MOSMO: variants seen among roughly 807,000 people sequenced by gnomAD.
MOSMO encodes the protein modulator of smoothened protein.
MOSMO carries 5 observed loss-of-function variants against 18.4 expected under a neutral mutation model. The ratio of observed to expected loss-of-function variants is 0.27; its 90% CI spans 0.14 to 0.57. The LOEUF (loss-of-function observed/expected upper bound fraction) is 0.57, where lower values mean the gene tolerates loss of function less well. Ranked by LOEUF, MOSMO falls within the 20% of genes least tolerant of loss-of-function variation. MOSMO has a pLI of 0.92. For missense variants in MOSMO, 138 were observed against 211.8 expected (o/e 0.65, Z 2.16); for synonymous variants, 82 against 82.3 (o/e 1.00, Z 0.02).
chr16:22,018,241 A>T (rs1443794574), intron 1 of MOSMO, among the ~76,000 whole-genome samples: 1 of 152,206 alleles, frequency 6.6e-6, no homozygotes, highest in East Asian at 1.9e-4. Context: ...GTAGAAAAAA[A>T]TGCAGTTGGG....
intron 1 of MOSMO, among the ~76,000 whole-genome samples, chr16:22,031,362 CAG>C (rs1899990064): frequency 6.6e-6 from 1 of 152,160 alleles, no homozygotes. Flanking sequence ...CTTTTTAAAA[CAG>C]ATTTATTGAG....
chr16:22,008,537 G>C (rs1386001238), intron 1 of MOSMO, 130 bp downstream of exon 1: 1 of 595,912 alleles, frequency 1.7e-6, no homozygotes, highest in South Asian at 2.1e-5. Context: ...ACCGGGGGCG[G>C]AGGGGAGACC....
At chr16:22,023,997 T>TTATATATATATATA (rs72336979) in intron 1 of MOSMO, among the ~76,000 whole-genome samples, 3,869 of 126,230 alleles carry the variant, frequency 0.031, 170 homozygotes, top group South Asian at 0.071. Flanking sequence ...TTTGTACAAA[T>TTATATATATATATA]TATATATATA....
chr16:22,030,927 A>G (rs181326326), intron 1 of MOSMO, among the ~76,000 whole-genome samples: 4 of 152,312 alleles, frequency 2.6e-5, no homozygotes, highest in East Asian at 3.9e-4. Context: ...TTTGAAAAGT[A>G]TGTTTTACCT....
intron 1 of MOSMO, among the ~76,000 whole-genome samples, chr16:22,061,010 G>A (rs750372610): frequency 6.6e-6 from 1 of 152,124 alleles, no homozygotes; most frequent in African/African-American, 2.4e-5. Context: ...ATGAAAACGG[G>A]TCTTTACAAA....
At position 22,075,520 on chromosome 16, in the gene MOSMO, A is replaced by C; in HGVS notation, c.140A>C (p.Gln47Pro). ...ALTVGLVRQCQTIHGRDRTCI... is the reference protein window; with the variant it reads ...ALTVGLVRQCPTIHGRDRTCI... ...ACTGTGGGCCTCGTGCGACAGTGTCAAACAATCCATGGACGAGACCGGACG... is the reference window on the plus strand; with the variant it reads ...ACTGTGGGCCTCGTGCGACAGTGTCCAACAATCCATGGACGAGACCGGACG... Residue 47 changes from glutamine (Q) to proline (P), a missense_variant, in exon 2 of 3, where the codon CAA (glutamine) becomes CCA (proline). By Grantham distance (76) the Gln-to-Pro change is moderately conservative. Transcript: ENST00000542527. 6.5e-7 allele frequency: 1 copy of C among 1,537,324 alleles called. No homozygotes were observed. Among genetic ancestry groups the C allele is most frequent in the African/African-American group, 1.4e-5 (1 of 73,176 alleles).
chr16:22,015,915 GA>G (rs923275233), intron 1 of MOSMO, among the ~76,000 whole-genome samples: 13 of 151,994 alleles, frequency 8.6e-5, no homozygotes, highest in African/African-American at 1.2e-4. Flanking sequence ...AAATTCAGAA[GA>G]AAAAAAATTA....
In MOSMO at chr16:22,024,434, G is replaced by A. The variant is rs769201389; in HGVS notation, c.106+16027G>A. Reference sequence around the variant, plus strand: ...GGCTGGAGAGCAGTGGTATGATCTCGGCTCACTGCCACCTCCACCTCCAGG... The same window carrying A: ...GGCTGGAGAGCAGTGGTATGATCTCAGCTCACTGCCACCTCCACCTCCAGG... On this transcript the variant is annotated intron_variant, in intron 1 of 2. Coordinates refer to ENST00000542527, the MANE Select transcript of MOSMO (RefSeq NM_001164579.2). Among the ~76,000 whole-genome samples, 100 of 150,714 alleles carry A rather than the reference G, an allele frequency of 6.6e-4. 1 individual carries two copies. The highest frequency in any genetic ancestry group is 2.5e-3 in the Admixed American group (37 of 15,070).
chr16:22,048,675 A>C (rs1900363257), intron 1 of MOSMO, among the ~76,000 whole-genome samples: 1 of 152,050 alleles, frequency 6.6e-6, no homozygotes, highest in South Asian at 2.1e-4. Flanking sequence ...ATTTTCTCCC[A>C]GTCTCACGTT....
intron 1 of MOSMO, among the ~76,000 whole-genome samples, chr16:22,014,086 C>A (rs1430719195): frequency 6.6e-6 from 1 of 152,066 alleles, no homozygotes; most frequent in African/African-American, 2.4e-5. Flanking sequence ...CAATCCAGTC[C>A]CAGACAGAAC....
intron 1 of MOSMO, among the ~76,000 whole-genome samples, chr16:22,009,197 A>C (rs1034113849): frequency 3.2e-4 from 48 of 152,320 alleles, no homozygotes; most frequent in Admixed American, 1.7e-3. Context: ...AATACTACTA[A>C]TAATAAACCT....
At chr16:22,012,827 A>G (rs1186445502) in intron 1 of MOSMO, among the ~76,000 whole-genome samples, 2 of 151,846 alleles carry the variant, frequency 1.3e-5, no homozygotes, top group Non-Finnish European at 2.9e-5. Flanking sequence ...TGGACAGCAG[A>G]GTTTTTCATG....
intron 1 of MOSMO, among the ~76,000 whole-genome samples, chr16:22,046,018 C>A (rs1178097703): frequency 4.0e-5 from 6 of 149,468 alleles, no homozygotes; most frequent in Non-Finnish European, 8.9e-5. Flanking sequence ...CAAATGCTAT[C>A]TCTCCCCCCT....
chr16:22,011,352 G>C (rs752921424), intron 1 of MOSMO, among the ~76,000 whole-genome samples: 3 of 152,198 alleles, frequency 2.0e-5, no homozygotes, highest in Non-Finnish European at 4.4e-5. Context: ...TTCATTCAAG[G>C]TTGGGGTTTG....
chr16:22,083,512 G>C lies in MOSMO; in HGVS notation c.*2632G>C, dbSNP rs1901118709. ...TTTCTATAAATCCTATAAGTGAAAA[G>C]ATAGACAACTGTCCGCAGTTGCTTT... On this transcript the variant is annotated 3_prime_UTR_variant, in exon 3 of 3. Coordinates refer to ENST00000542527, the MANE Select transcript of MOSMO (RefSeq NM_001164579.2). 1 of 322,008 alleles carries C rather than the reference G, an allele frequency of 3.1e-6. No homozygotes were observed. The highest frequency in any genetic ancestry group is 5.9e-6 in the Non-Finnish European group (1 of 170,482). 19.9% of individuals were successfully genotyped at this position (322,008 alleles called of 1,614,324 possible).
intron 1 of MOSMO, among the ~76,000 whole-genome samples, chr16:22,009,020 G>A (rs1324383335): frequency 6.6e-6 from 1 of 152,152 alleles, no homozygotes; most frequent in African/African-American, 2.4e-5. Context: ...TGGGAGAGCT[G>A]GTGGGGTTGG....
At chr16:22,024,426 A>G (rs1363917933) in intron 1 of MOSMO, among the ~76,000 whole-genome samples, 1 of 150,338 alleles carries the variant, frequency 6.7e-6, no homozygotes, top group Non-Finnish European at 1.5e-5. Flanking sequence ...GAGCAGTGGT[A>G]TGATCTCGGC....
chr16:22,030,253 T>C (rs995965897), intron 1 of MOSMO, among the ~76,000 whole-genome samples: 1 of 152,186 alleles, frequency 6.6e-6, no homozygotes, highest in African/African-American at 2.4e-5. Flanking sequence ...TGCAGGCAGA[T>C]AGATATTCAC....
chr16:22,071,255 C>T (rs1183914558), intron 1 of MOSMO, among the ~76,000 whole-genome samples: 4 of 152,138 alleles, frequency 2.6e-5, no homozygotes, highest in East Asian at 1.9e-4. Context: ...GAGCATTGTC[C>T]GGAGGAGGAA....
Sources: allele counts gnomAD v4.1 joint callset (sites outside exome capture counted in the v4.1 genomes callset), GRCh38; gene constraint gnomAD v4.1.1; transcripts MANE v1.5; gene names NCBI Gene and HGNC (gene_info 2026-07-23, HGNC 2026-07-21).